TRIO: variants seen among roughly 807,000 people sequenced by gnomAD.
TRIO encodes the protein trio Rho guanine nucleotide exchange factor, also known as triple functional domain protein.
Under a neutral mutation model 351.9 loss-of-function variants are expected in TRIO, and 58 were observed. That is an observed-to-expected ratio of 0.16 (90% CI 0.13 to 0.21). TRIO has a LOEUF of 0.21. Among genes scored for constraint, TRIO ranks in the 10% least tolerant of loss-of-function variants. The pLI, the probability that TRIO is intolerant of heterozygous loss-of-function variation, is 1.00. For missense variants in TRIO, 3,201 were observed against 4,027.8 expected (o/e 0.79, Z 5.56); for synonymous variants, 1,758 against 1,595.7 (o/e 1.10, Z -2.42).
At chr5:14,161,361 T>C (rs1239325366) in intron 1 of TRIO, among the ~76,000 whole-genome samples, 1 of 152,208 alleles carries the variant, frequency 6.6e-6, no homozygotes, top group Non-Finnish European at 1.5e-5. Flanking sequence ...CTGGTTTCCC[T>C]TCCTAACTCA....
intron 5 of TRIO, among the ~76,000 whole-genome samples, chr5:14,291,618 G>T (rs1173612992): frequency 6.6e-6 from 1 of 151,514 alleles, no homozygotes; most frequent in South Asian, 2.1e-4. Context: ...GTGAAACCCC[G>T]TCTCTACTAA....
chr5:14,182,566 T>C (rs777400325), intron 1 of TRIO, among the ~76,000 whole-genome samples: 1 of 152,248 alleles, frequency 6.6e-6, no homozygotes, highest in Non-Finnish European at 1.5e-5. Flanking sequence ...CTTAATTTTG[T>C]TGATAATTAA....
chr5:14,475,682 A>G (rs1052386802), intron 40 of TRIO, among the ~76,000 whole-genome samples: 2 of 152,258 alleles, frequency 1.3e-5, no homozygotes, highest in Non-Finnish European at 2.9e-5. Context: ...GAACAACTAC[A>G]GTGAAACCAA....
At chr5:14,224,635 A>C (rs912324858) in intron 1 of TRIO, among the ~76,000 whole-genome samples, 1 of 148,030 alleles carries the variant, frequency 6.8e-6, no homozygotes, top group African/African-American at 2.5e-5. Flanking sequence ...AACAAATGTT[A>C]GTAAATAAAG....
intron 11 of TRIO, among the ~76,000 whole-genome samples, chr5:14,354,783 C>G (rs900846407): frequency 6.6e-6 from 1 of 152,158 alleles, no homozygotes; most frequent in East Asian, 1.9e-4. Context: ...CTTAAGTGTT[C>G]TCCATTTTTT....
intron 4 of TRIO, among the ~76,000 whole-genome samples, chr5:14,289,579 G>A (rs986535418): frequency 7.2e-5 from 11 of 151,970 alleles, no homozygotes; most frequent in African/African-American, 2.4e-4. Context: ...CGTGTGCGAT[G>A]TCTCATGCCT....
Position 14,507,109 on chromosome 5 carries a change from C to A in TRIO, c.8613-13C>A. The A allele has an allele frequency of 5.7e-6, 9 of 1,569,114 alleles. No homozygotes were observed. The highest frequency in any genetic ancestry group is 7.8e-6 in the Non-Finnish European group (9 of 1,160,620). ...AATCGCATCATAACAGTCACCCGCT[C>A]CTGCCTCTTTAGGGCTGACCAGGGT... On this transcript the variant is annotated splice_polypyrimidine_tract_variant and intron_variant, in intron 55 of 56. Coordinates refer to ENST00000344204, the MANE Select transcript of TRIO (RefSeq NM_007118.4).
At chr5:14,354,146 A>T (rs1369953873) in intron 11 of TRIO, among the ~76,000 whole-genome samples, 1 of 151,974 alleles carries the variant, frequency 6.6e-6, no homozygotes, top group Non-Finnish European at 1.5e-5. Context: ...TGGGGGCCTG[A>T]CCCCTACTGT....
chr5:14,505,556 G>A (rs183863716), intron 55 of TRIO, among the ~76,000 whole-genome samples: 437 of 152,300 alleles, frequency 2.9e-3, no homozygotes, highest in African/African-American at 9.8e-3. Context: ...ACTCAAGCTC[G>A]GGGCCCCTCG....
chr5:14,247,524 G>T (rs1794507115), intron 1 of TRIO, among the ~76,000 whole-genome samples: 2 of 152,146 alleles, frequency 1.3e-5, no homozygotes, highest in South Asian at 4.2e-4. Flanking sequence ...AGAAACTCTT[G>T]ATCATTTGAA....
intron 45 of TRIO, 153 bp downstream of exon 45, chr5:14,481,771 CTTTTTTTTTTTTTT>C: frequency 2.1e-5 from 4 of 188,158 alleles, no homozygotes; most frequent in Non-Finnish European, 3.7e-5. Context: ...ATTTTATTTC[CTTTTTTTTTTTTTT>C]TTTTTTTTTG....
At chr5:14,391,130 T>C (rs777465368) in intron 27 of TRIO, 140 bp downstream of exon 27, 5 of 636,686 alleles carry the variant, frequency 7.9e-6, no homozygotes, top group Non-Finnish European at 1.3e-5. Context: ...TTGTCTATCA[T>C]GTCTATTGGG....
rs1755489666 is a variant in TRIO, at chr5:14,481,242, C to G, written c.6345C>G (p.Leu2115=). The change falls in exon 44 of 57, where the codon CTC becomes CTG. Residue 2115 remains leucine, a synonymous_variant. Transcript: ENST00000344204. ...MKYQLLLKDF[L]KYSKKASLDT... is the part of the protein sequence containing the mutation. The stretch of plus-strand genomic sequence containing the variant: ...CTCCATTTCCCTTGCAGGACTTCCT[C>G]AAGTATTCCAAAAAGGCCAGCCTGG... The G allele has an allele frequency of 6.2e-7, 1 of 1,613,836 alleles. No individual in the cohort carries two copies. The highest frequency in any genetic ancestry group is 2.2e-5 in the East Asian group (1 of 44,874).
chr5:14,436,577 G>A (rs1026797524), intron 34 of TRIO, among the ~76,000 whole-genome samples: 1 of 152,288 alleles, frequency 6.6e-6, no homozygotes, highest in Admixed American at 6.5e-5. Flanking sequence ...AACAAGGCAA[G>A]TCCCTTCCAC....
chr5:14,298,999 T>C (rs1050098757), intron 7 of TRIO, among the ~76,000 whole-genome samples: 3 of 152,190 alleles, frequency 2.0e-5, no homozygotes, highest in Admixed American at 2.0e-4. Flanking sequence ...CAGGATAAAC[T>C]GCGTGGGTGA....
intron 53 of TRIO, 154 bp downstream of exon 53, chr5:14,498,794 G>A: frequency 8.4e-7 from 1 of 1,191,196 alleles, no homozygotes. Flanking sequence ...GTAAGTAGCA[G>A]ACCAGAGTGT....
intron 1 of TRIO, among the ~76,000 whole-genome samples, chr5:14,176,866 G>A (rs1581278416): frequency 6.6e-6 from 1 of 152,266 alleles, no homozygotes; most frequent in East Asian, 1.9e-4. Flanking sequence ...TAAGTCACAG[G>A]CACTTGAAAA....
chr5:14,293,227 G>T, intron 6 of TRIO, 93 bp downstream of exon 6: 2 of 1,555,116 alleles, frequency 1.3e-6, no homozygotes, highest in Middle Eastern at 1.9e-4. Flanking sequence ...CTTTCAAGGG[G>T]CCTTCGGAGT....
intron 34 of TRIO, among the ~76,000 whole-genome samples, chr5:14,433,495 C>A (rs1405945649): frequency 6.6e-6 from 1 of 152,172 alleles, no homozygotes; most frequent in African/African-American, 2.4e-5. Flanking sequence ...GAAGCCAGCA[C>A]TGTGGACATA....
Sources: allele counts gnomAD v4.1 joint callset (sites outside exome capture counted in the v4.1 genomes callset), GRCh38; gene constraint gnomAD v4.1.1; transcripts MANE v1.5; gene names NCBI Gene and HGNC (gene_info 2026-07-23, HGNC 2026-07-21).